The following ROBO2 variants were observed in gnomAD, a reference collection of about 807,000 sequenced individuals.
ROBO2 encodes the protein roundabout guidance receptor 2.
Under a neutral mutation model 160.8 loss-of-function variants are expected in ROBO2, and 53 were observed. The ratio of observed to expected loss-of-function variants is 0.33; its 90% CI spans 0.26 to 0.41. The LOEUF is 0.41. ROBO2 is among the 10% of genes least tolerant of loss of function. The pLI, the probability that ROBO2 is intolerant of heterozygous loss-of-function variation, is 1.00. For synonymous variants in ROBO2, 664 were observed against 611.7 expected (o/e 1.09, Z -1.26); for missense variants, 1,577 against 1,722.4 (o/e 0.92, Z 1.49).
At chr3:76,396,586 C>G (rs1213427627) in intron 2 of ROBO2, among the ~76,000 whole-genome samples, 2 of 152,112 alleles carry the variant, frequency 1.3e-5, no homozygotes, top group Non-Finnish European at 2.9e-5. Flanking sequence ...ATTGTCTCAG[C>G]CCAAAATCTC....
intron 2 of ROBO2, among the ~76,000 whole-genome samples, chr3:77,187,070 CA>C (rs1174687237): frequency 6.6e-6 from 1 of 151,792 alleles, no homozygotes; most frequent in Non-Finnish European, 1.5e-5. Flanking sequence ...AAAATGAAGA[CA>C]AATGAAAACG....
At chr3:77,489,922 G>C (rs1278258481) in intron 4 of ROBO2, among the ~76,000 whole-genome samples, 2 of 151,866 alleles carry the variant, frequency 1.3e-5, no homozygotes, top group African/African-American at 4.8e-5. Flanking sequence ...TCTTAGTTTT[G>C]TTGCAGTTAT....
At chr3:76,102,184 G>T (rs1248861787) in intron 2 of ROBO2, among the ~76,000 whole-genome samples, 3 of 152,202 alleles carry the variant, frequency 2.0e-5, no homozygotes, top group African/African-American at 7.2e-5. Flanking sequence ...CCCTTGAGAT[G>T]TGGCTAGTTT....
At chr3:76,567,980 A>G (rs2084707723) in intron 2 of ROBO2, among the ~76,000 whole-genome samples, 1 of 149,664 alleles carries the variant, frequency 6.7e-6, no homozygotes, top group Non-Finnish European at 1.5e-5. Context: ...ACGCTCAGAT[A>G]ATTTTTGTAT....
intron 2 of ROBO2, among the ~76,000 whole-genome samples, chr3:77,283,416 G>T (rs181574728): frequency 6.6e-6 from 1 of 152,094 alleles, no homozygotes; most frequent in African/African-American, 2.4e-5. Context: ...AAATAACCTG[G>T]ATTCTAAGGC....
chr3:76,845,976 A>G (rs1166331737), intron 2 of ROBO2, among the ~76,000 whole-genome samples: 1 of 152,112 alleles, frequency 6.6e-6, no homozygotes, highest in Non-Finnish European at 1.5e-5. Context: ...ACTGTGGAAC[A>G]TTACTTATGT....
chr3:76,322,164 G>GTATATATATATATA (rs200388202), intron 2 of ROBO2, among the ~76,000 whole-genome samples: 124 of 108,094 alleles, frequency 1.1e-3, no homozygotes, highest in African/African-American at 1.6e-3. Context: ...TACTTCTTCC[G>GTATATATATATATA]TATATATATA....
intron 2 of ROBO2, among the ~76,000 whole-genome samples, chr3:76,707,046 G>C (rs571662343): frequency 1.3e-5 from 2 of 151,984 alleles, no homozygotes; most frequent in Admixed American, 1.3e-4. Flanking sequence ...ATGTGTGTAT[G>C]CATGTATATA....
chr3:77,488,821 A>G (rs1403679966), intron 4 of ROBO2, among the ~76,000 whole-genome samples: 2 of 152,152 alleles, frequency 1.3e-5, no homozygotes, highest in Admixed American at 1.3e-4. Flanking sequence ...GGCCTGTACA[A>G]CTTCTTTAGT....
At chr3:76,320,054 T>A (rs1219560032) in intron 2 of ROBO2, among the ~76,000 whole-genome samples, 1 of 152,070 alleles carries the variant, frequency 6.6e-6, no homozygotes, top group Non-Finnish European at 1.5e-5. Context: ...TGAAATATAG[T>A]CCAATTTGCT....
At chr3:77,063,525 A>C (rs1290704006) in intron 1 of ROBO2, among the ~76,000 whole-genome samples, 1 of 152,172 alleles carries the variant, frequency 6.6e-6, no homozygotes, top group Non-Finnish European at 1.5e-5. Context: ...TGACCTCTTC[A>C]ATTCCCATAA....
At chr3:76,187,172 A>G (rs975987378) in intron 2 of ROBO2, among the ~76,000 whole-genome samples, 1 of 152,164 alleles carries the variant, frequency 6.6e-6, no homozygotes, top group African/African-American at 2.4e-5. Context: ...CTGAAAACAA[A>G]CATAACCAAA....
intron 2 of ROBO2, among the ~76,000 whole-genome samples, chr3:77,442,094 C>A (rs1324685082): frequency 6.6e-6 from 1 of 152,074 alleles, no homozygotes. Flanking sequence ...AGGCGGATCA[C>A]GAGGTCAGGA....
chr3:76,841,723 A>C (rs367877146), intron 2 of ROBO2, among the ~76,000 whole-genome samples: 7 of 152,194 alleles, frequency 4.6e-5, no homozygotes, highest in African/African-American at 1.7e-4. Context: ...AAAAAAGAGG[A>C]AGATTTATTA....
At chr3:76,401,670 G>A (rs922226426) in intron 2 of ROBO2, among the ~76,000 whole-genome samples, 5 of 151,088 alleles carry the variant, frequency 3.3e-5, no homozygotes, top group African/African-American at 9.7e-5. Flanking sequence ...ATAAATTTAT[G>A]GTACAGATAT....
intron 2 of ROBO2, among the ~76,000 whole-genome samples, chr3:76,272,689 A>ATG (rs1192077070): frequency 7.6e-6 from 1 of 130,836 alleles, no homozygotes; most frequent in Non-Finnish European, 1.6e-5. Context: ...AAATATATAT[A>ATG]TATATTCTAT....
At chr3:76,988,883 A>G (rs1299820899) in intron 2 of ROBO2, among the ~76,000 whole-genome samples, 1 of 152,134 alleles carries the variant, frequency 6.6e-6, no homozygotes, top group Non-Finnish European at 1.5e-5. Context: ...GATGCTGCAC[A>G]TTTAAAGACC....
intron 2 of ROBO2, among the ~76,000 whole-genome samples, chr3:77,295,151 A>T (rs2061905100): frequency 6.6e-6 from 1 of 150,926 alleles, no homozygotes; most frequent in South Asian, 2.1e-4. Context: ...AGTAAAATTG[A>T]CGGTTAAACG....
At chr3:76,328,857 TCAAAA>T in intron 2 of ROBO2, among the ~76,000 whole-genome samples, 1 of 148,550 alleles carries the variant, frequency 6.7e-6, no homozygotes, top group Non-Finnish European at 1.5e-5. Flanking sequence ...AGACTCCGTC[TCAAAA>T]CAAACAAACA....
Sources: allele counts gnomAD v4.1 joint callset (sites outside exome capture counted in the v4.1 genomes callset), GRCh38; gene constraint gnomAD v4.1.1; transcripts MANE v1.5; gene names NCBI Gene and HGNC (gene_info 2026-07-23, HGNC 2026-07-21).